Variants in DSC3 observed in about 807,000 individuals in gnomAD.
DSC3 encodes desmocollin-3.
In DSC3, 97 loss-of-function variants were observed where a neutral mutation model predicts 89.5. That is an observed-to-expected ratio of 1.08 (90% CI 0.92 to 1.28). The LOEUF (loss-of-function observed/expected upper bound fraction) is 1.28. DSC3 is among the 50% of genes most tolerant of loss of function. The pLI is 0.00. For synonymous variants in DSC3, 436 were observed against 384.1 expected, an observed-to-expected ratio of 1.14 and a Z score of -1.58; for missense variants, 1,199 against 1,085.3, an observed-to-expected ratio of 1.10 and a Z score of -1.47.
chr18:31,029,746 C>G, intron 3 of DSC3, 118 bp from the exon 4 acceptor site: 3 of 1,311,614 alleles, frequency 2.3e-6, no homozygotes, highest in Non-Finnish European at 3.3e-6. Flanking sequence ...TCAGGCATTT[C>G]CATGCTGGAG....
rs1201274677 is a variant in DSC3, at chr18:31,042,594, C to A, written c.67G>T (p.Val23Leu). 1.9e-6 allele frequency: 3 copies of A among 1,550,346 alleles called. No homozygotes were observed. The highest frequency in any genetic ancestry group is 2.6e-6 in the Non-Finnish European group (3 of 1,146,890). Reference protein sequence around the residue: ...AVCLHLLLTLVIFSRAGEACK... With the variant: ...AVCLHLLLTLLIFSRAGEACK... ...CTATCCGGCGAGATCTGGCTTACCACGAGGGTCAGCAGCAGATGCAGGCAG... is the reference window on the plus strand; with the variant it reads ...CTATCCGGCGAGATCTGGCTTACCAAGAGGGTCAGCAGCAGATGCAGGCAG... Residue 23 changes from valine to leucine, a missense_variant and splice_region_variant, in exon 1 of 16, where the codon GTG becomes TTG. By Grantham distance (32) the Val-to-Leu change is conservative. Transcript: ENST00000360428.
At chr18:31,014,850 C>T (rs567149531) in intron 9 of DSC3, among the ~76,000 whole-genome samples, 7 of 152,012 alleles carry the variant, frequency 4.6e-5, no homozygotes, top group South Asian at 2.1e-4. Flanking sequence ...GTTTGTGTTC[C>T]GGGGTGGATC....
intron 15 of DSC3, among the ~76,000 whole-genome samples, chr18:30,995,612 C>A (rs563089960): frequency 4.6e-5 from 7 of 152,204 alleles, no homozygotes; most frequent in East Asian, 1.9e-4. Context: ...AAACAAAAAA[C>A]CCCAAATTCA....
chr18:31,023,890 T>C (rs1218847855), intron 6 of DSC3, among the ~76,000 whole-genome samples: 1 of 152,082 alleles, frequency 6.6e-6, no homozygotes. Context: ...GGTAGTAGTT[T>C]TAAAAGAAGA....
rs1208694660 is a variant in DSC3, at chr18:31,025,856, A to G, written c.534T>C (p.Val178=). ...AAAACAAATTTAAAGGTTCTTTATC[A>G]ACTCCACGTCCACTTATTGAGTAGA... ...TVFYSISGRG[V]DKEPLNLFYI... The change falls in exon 5 of 16, where the codon GTT becomes GTC. Residue 178 remains valine, a synonymous_variant. Transcript: ENST00000360428. 7 of 1,613,100 alleles carry G rather than the reference A, an allele frequency of 4.3e-6. No homozygotes were observed. The African/African-American group carries it at 8.0e-5, about 18-fold the overall frequency.
intron 13 of DSC3, among the ~76,000 whole-genome samples, chr18:31,003,752 T>C (rs1984742122): frequency 6.6e-6 from 1 of 152,160 alleles, no homozygotes; most frequent in Non-Finnish European, 1.5e-5. Context: ...GAACAGAACA[T>C]CTCCCGTAAC....
At chr18:31,029,908 G>A (rs1418706209) in intron 3 of DSC3, among the ~76,000 whole-genome samples, 1 of 152,138 alleles carries the variant, frequency 6.6e-6, no homozygotes, top group African/African-American at 2.4e-5. Flanking sequence ...TATATTCTTA[G>A]TTCTTCTTGC....
chr18:31,003,455 TTC>T (rs2144684488), intron 13 of DSC3, among the ~76,000 whole-genome samples: 1 of 152,336 alleles, frequency 6.6e-6, no homozygotes, highest in East Asian at 1.9e-4. Context: ...CTACGTACTG[TTC>T]TAAGCACTTC....
intron 12 of DSC3, among the ~76,000 whole-genome samples, chr18:31,005,868 G>A (rs927673530): frequency 6.6e-6 from 1 of 152,116 alleles, no homozygotes; most frequent in African/African-American, 2.4e-5. Context: ...TCTCAGCTGG[G>A]ATTGTGTCTG....
chr18:30,996,675 G>A (rs1984476381), intron 15 of DSC3, 116 bp downstream of exon 15: 2 of 1,236,820 alleles, frequency 1.6e-6, no homozygotes, highest in Admixed American at 2.3e-5. Flanking sequence ...AAAATGAACA[G>A]AGCAAGCAAG....
chr18:31,007,489 C>G (rs1984892707), intron 11 of DSC3, among the ~76,000 whole-genome samples: 1 of 152,118 alleles, frequency 6.6e-6, no homozygotes, highest in South Asian at 2.1e-4. Flanking sequence ...ATTCAAACCA[C>G]TAGGAAGATT....
chr18:31,042,111 C>T (rs1276437737), intron 1 of DSC3, among the ~76,000 whole-genome samples: 2 of 152,222 alleles, frequency 1.3e-5, no homozygotes, highest in East Asian at 3.9e-4. Flanking sequence ...GGACACAGCC[C>T]CGGCTCCACT....
chr18:31,015,068 A>T (rs1045514606), intron 9 of DSC3, among the ~76,000 whole-genome samples: 3 of 152,234 alleles, frequency 2.0e-5, no homozygotes, highest in African/African-American at 7.2e-5. Context: ...CATGGTAGCT[A>T]CTTTTAAAAT....
In DSC3 at chr18:30,996,930, C is replaced by T. The variant is rs551626331; in HGVS notation, c.2354G>A (p.Gly785Glu). ...GQETIEMMKG[G>E]NQTLESCRGA... ...CCGGCAGGATTCCAAGGTCTGGTTTCCTCCTTTCATCATTTCAATGGTTTC... is the reference window on the plus strand; with the variant it reads ...CCGGCAGGATTCCAAGGTCTGGTTTTCTCCTTTCATCATTTCAATGGTTTC... Residue 785 changes from glycine to glutamate, a missense_variant, in exon 15 of 16, where the codon GGA becomes GAA. By Grantham distance (98) the Gly-to-Glu change is moderately conservative. Transcript: ENST00000360428. 1 of 1,614,130 alleles carries T rather than the reference C, an allele frequency of 6.2e-7. No individual in the cohort carries two copies. The highest frequency in any genetic ancestry group is 1.3e-5 in the African/African-American group (1 of 75,020).
chr18:31,008,685 C>T (rs1177392649), intron 9 of DSC3, among the ~76,000 whole-genome samples, 160 bp from the exon 10 acceptor site: 3 of 152,184 alleles, frequency 2.0e-5, no homozygotes, highest in Non-Finnish European at 4.4e-5. Flanking sequence ...GAGTGGATCC[C>T]GTGCTAAGCC....
intron 14 of DSC3, among the ~76,000 whole-genome samples, chr18:31,000,133 G>A (rs1471474718): frequency 6.6e-6 from 1 of 152,010 alleles, no homozygotes; most frequent in East Asian, 1.9e-4. Flanking sequence ...TGGTGTGGAG[G>A]AGTTGAAGAG....
chr18:30,995,971 TAAAAAAAAAAAAAA>T lies in DSC3; in HGVS notation c.2493+806_2493+819del, dbSNP rs1196444633. Reference sequence around the variant, plus strand: ...TCAGCGACAGAGCAAGACCCTGCCTTAAAAAAAAAAAAAAAAAAAAAAAAAAAAGAAAAGAAAGA... The same window carrying T: ...TCAGCGACAGAGCAAGACCCTGCCTTAAAAAAAAAAAAAAGAAAAGAAAGA... On this transcript the variant is annotated intron_variant, in intron 15 of 15. Transcript: ENST00000360428. 4.3e-4 allele frequency among the ~76,000 whole-genome samples: 16 copies of T among 37,022 alleles called. No homozygotes were observed. The South Asian group carries it at 0.022, about 52-fold the overall frequency. 24.3% of individuals were successfully genotyped at this position (37,022 alleles called of 152,430 possible).
At position 31,032,251 on chromosome 18, in the gene DSC3, C is replaced by A. The variant is rs1468511878; in HGVS notation, c.95G>T (p.Cys32Phe). 6.8e-6 allele frequency: 11 copies of A among 1,613,276 alleles called. No individual in the cohort carries two copies. Among genetic ancestry groups the A allele is most frequent in the African/African-American group, 1.3e-5 (1 of 74,988 alleles). ...LVIFSRAGEA[C>F]KKVILNVPSK... is the part of the protein sequence containing the mutation. The stretch of plus-strand genomic sequence containing the variant: ...AGGTACATTAAGTATCACCTTTTTG[C>A]AGGCTTCACCAGCACGACTGAAGAT... The change falls in exon 2 of 16, where the codon TGC becomes TTC. Residue 32 changes from cysteine to phenylalanine, a missense_variant. By Grantham distance (205) the Cys-to-Phe change is radical (BLOSUM62 -2). Transcript: ENST00000360428.
At chr18:31,003,725 A>G (rs976165018) in intron 13 of DSC3, among the ~76,000 whole-genome samples, 3 of 152,186 alleles carry the variant, frequency 2.0e-5, no homozygotes, top group African/African-American at 7.2e-5. Context: ...GATATACCCA[A>G]GAAGAGACAT....
Sources: gnomAD v4.1 joint callset for allele counts (sites outside exome capture counted in the v4.1 genomes callset) on GRCh38, gnomAD v4.1.1 for gene constraint, MANE v1.5 for transcripts, NCBI Gene and HGNC (gene_info 2026-07-23, HGNC 2026-07-21) for gene names.